The following ARID1B variants were observed in gnomAD, a reference collection of about 807,000 sequenced individuals.
The protein encoded by ARID1B is AT-rich interaction domain 1B.
A neutral mutation model predicts 212.3 loss-of-function variants in ARID1B; 30 were observed. That is an observed-to-expected ratio of 0.14 (90% CI 0.11 to 0.19). The LOEUF is 0.19. Among genes scored for constraint, ARID1B ranks in the 10% least tolerant of loss-of-function variants. ARID1B has a pLI of 1.00. For missense variants in ARID1B, 2,891 were observed against 3,204.0 expected (o/e 0.90, Z 2.36); for synonymous variants, 1,402 against 1,301.7 (o/e 1.08, Z -1.66).
At chr6:156,851,462 G>C (rs1467764145) in intron 2 of ARID1B, among the ~76,000 whole-genome samples, 2 of 152,220 alleles carry the variant, frequency 1.3e-5, no homozygotes, top group African/African-American at 4.8e-5. Context: ...TGGACAGTGA[G>C]TTAGACTCCT....
At chr6:156,996,077 CTG>C (rs1464149277) in intron 4 of ARID1B, among the ~76,000 whole-genome samples, 1 of 152,320 alleles carries the variant, frequency 6.6e-6, no homozygotes, top group East Asian at 1.9e-4. Context: ...TCCTTTGACT[CTG>C]TAGCAAATTC....
intron 4 of ARID1B, among the ~76,000 whole-genome samples, chr6:157,052,045 C>T (rs1562579496): frequency 6.6e-6 from 1 of 152,196 alleles, no homozygotes; most frequent in African/African-American, 2.4e-5. Flanking sequence ...CTGTTAAAAA[C>T]TGAAGGCTGA....
At chr6:156,821,280 C>T (rs1310925777) in intron 1 of ARID1B, among the ~76,000 whole-genome samples, 2 of 152,146 alleles carry the variant, frequency 1.3e-5, no homozygotes, top group Non-Finnish European at 2.9e-5. Context: ...GCCAAGAGCG[C>T]AGAGCTCTTA....
chr6:156,946,548 T>C, intron 4 of ARID1B, among the ~76,000 whole-genome samples: 1 of 152,184 alleles, frequency 6.6e-6, no homozygotes, highest in Non-Finnish European at 1.5e-5. Flanking sequence ...ACTAAGCGCA[T>C]TGTAACGCCC....
intron 6 of ARID1B, among the ~76,000 whole-genome samples, chr6:157,112,693 C>T (rs1206088546): frequency 6.6e-6 from 1 of 152,102 alleles, no homozygotes; most frequent in Non-Finnish European, 1.5e-5. Context: ...ATGTAGAAAA[C>T]CAGATGTGAA....
At chr6:157,080,634 A>G (rs184893859) in intron 4 of ARID1B, among the ~76,000 whole-genome samples, 29 of 152,290 alleles carry the variant, frequency 1.9e-4, no homozygotes, top group African/African-American at 6.3e-4. Context: ...TTCATGCTGC[A>G]TGTTAATTTG....
At chr6:156,933,041 A>G (rs541350595) in intron 3 of ARID1B, among the ~76,000 whole-genome samples, 15 of 152,200 alleles carry the variant, frequency 9.9e-5, no homozygotes, top group Admixed American at 3.9e-4. Context: ...GATAGCTTTC[A>G]TAGTCTGTTA....
intron 4 of ARID1B, among the ~76,000 whole-genome samples, chr6:156,954,423 G>T (rs1300231471): frequency 6.6e-6 from 1 of 151,878 alleles, no homozygotes; most frequent in Non-Finnish European, 1.5e-5. Context: ...GAATGAGGCC[G>T]TTTGCACACA....
intron 3 of ARID1B, among the ~76,000 whole-genome samples, chr6:156,923,001 G>C (rs961135634): frequency 2.6e-5 from 4 of 152,222 alleles, no homozygotes; most frequent in African/African-American, 9.6e-5. Flanking sequence ...CTTGGAGCAA[G>C]AATCAGCCTT....
At chr6:157,192,540 T>TA (rs755323583) in intron 15 of ARID1B, among the ~76,000 whole-genome samples, 27 of 152,154 alleles carry the variant, frequency 1.8e-4, no homozygotes, top group Non-Finnish European at 1.8e-4. Flanking sequence ...CACTTTCACT[T>TA]ACGATATTTT....
At position 157,094,616 on chromosome 6, in the gene ARID1B, A is replaced by G. The variant is rs1309811531; in HGVS notation, c.2491+9711A>G. ...GAAATCTGCCCATGTTGGCCTCCCA[A>G]AGTGCTAGGATTACAGGCGTGAGCC... On this transcript the variant is annotated intron_variant, in intron 5 of 19. Coordinates refer to ENST00000636930, the MANE Select transcript of ARID1B (RefSeq NM_001374828.1). The surrounding 1 kb of genome is among the most constrained non-coding windows in gnomAD (Gnocchi z 4.3). Among the ~76,000 whole-genome samples the G allele has an allele frequency of 1.3e-5, 2 of 152,194 alleles. No homozygotes were observed. Among genetic ancestry groups the G allele is most frequent in the Non-Finnish European group, 2.9e-5 (2 of 68,034 alleles).
At chr6:156,943,125 GTC>G (rs1437653432) in intron 4 of ARID1B, 1 of 152,148 alleles carries the variant, frequency 6.6e-6, no homozygotes, top group African/African-American at 2.4e-5. Context: ...TTTTAGAGGT[GTC>G]TCTCTTGTTT....
At chr6:156,994,787 G>T (rs1025800916) in intron 4 of ARID1B, among the ~76,000 whole-genome samples, 1 of 152,144 alleles carries the variant, frequency 6.6e-6, no homozygotes, top group African/African-American at 2.4e-5. Flanking sequence ...TCCTCCACCA[G>T]TGGACAGACC....
At chr6:157,149,027 G>T in intron 8 of ARID1B, 76 bp downstream of exon 8, 1 of 1,432,044 alleles carries the variant, frequency 7.0e-7, no homozygotes, top group Non-Finnish European at 9.5e-7. Context: ...GCACATAGCT[G>T]CATTGTTCCC....
intron 6 of ARID1B, among the ~76,000 whole-genome samples, chr6:157,114,428 G>T (rs546856993): frequency 6.7e-6 from 1 of 149,666 alleles, no homozygotes; most frequent in East Asian, 2.0e-4. Context: ...GGAGGCTGAG[G>T]CAGGAGAATC....
intron 4 of ARID1B, among the ~76,000 whole-genome samples, chr6:157,039,876 CTT>C (rs1352976884): frequency 1.5e-3 from 90 of 58,266 alleles, no homozygotes; most frequent in East Asian, 4.0e-3. Flanking sequence ...CTTTCTCTTT[CTT>C]TTCTCTTCCT....
chr6:156,913,692 A>G (rs1170058799), intron 3 of ARID1B, among the ~76,000 whole-genome samples: 1 of 144,886 alleles, frequency 6.9e-6, no homozygotes, highest in Non-Finnish European at 1.5e-5. Flanking sequence ...TCCAACAACC[A>G]GCCCGCCCCA....
chr6:156,877,876 A>T (rs1402808143), intron 2 of ARID1B, among the ~76,000 whole-genome samples: 1 of 148,684 alleles, frequency 6.7e-6, no homozygotes, highest in Non-Finnish European at 1.5e-5. Context: ...TACCTAGCTA[A>T]TTTTTTTTTT....
At chr6:156,838,689 A>C (rs1262202294) in intron 2 of ARID1B, among the ~76,000 whole-genome samples, 1 of 148,388 alleles carries the variant, frequency 6.7e-6, no homozygotes, top group Non-Finnish European at 1.5e-5. Flanking sequence ...TGTTGTACAC[A>C]GGTACCCTAG....
Sources: gnomAD v4.1 joint callset for allele counts (sites outside exome capture counted in the v4.1 genomes callset) on GRCh38, gnomAD v4.1.1 for gene constraint, Gnocchi (gnomAD v3.1) non-coding constraint, MANE v1.5 for transcripts, NCBI Gene and HGNC (gene_info 2026-07-23, HGNC 2026-07-21) for gene names.